The following DAAM1 variants were observed in gnomAD, a reference collection of about 807,000 sequenced individuals.
DAAM1 encodes dishevelled associated activator of morphogenesis 1, also known as disheveled-associated activator of morphogenesis 1.
A neutral mutation model predicts 130.0 loss-of-function variants in DAAM1; 52 were observed. The observed-to-expected ratio is 0.40, with a 90% CI of 0.32 to 0.50. The LOEUF (loss-of-function observed/expected upper bound fraction) is 0.50. Ranked by LOEUF, DAAM1 falls within the 20% of genes least tolerant of loss-of-function variation. The probability of loss-of-function intolerance (pLI) is 0.61; values close to 1 mark genes in which losing one functional copy is unlikely to be tolerated. For synonymous variants in DAAM1, 452 were observed against 444.5 expected, an observed-to-expected ratio of 1.02 and a Z score of -0.21; for missense variants, 1,134 against 1,303.8, an observed-to-expected ratio of 0.87 and a Z score of 2.01.
intron 1 of DAAM1, 134 bp from the exon 2 acceptor site, chr14:59,263,307 T>G (rs1022408035): frequency 2.2e-5 from 15 of 683,034 alleles, no homozygotes; most frequent in African/African-American, 1.3e-4. Context: ...CCACTCGGTG[T>G]TGTTCTCTCT....
At chr14:59,288,694 G>A (rs992797337) in intron 2 of DAAM1, among the ~76,000 whole-genome samples, 1 of 152,102 alleles carries the variant, frequency 6.6e-6, no homozygotes, top group African/African-American at 2.4e-5. Context: ...AGAACTACCT[G>A]AGACTGGGCA....
At chr14:59,315,234 T>C in intron 3 of DAAM1, 46 bp from the exon 4 acceptor site, 1 of 1,554,998 alleles carries the variant, frequency 6.4e-7, no homozygotes, top group Non-Finnish European at 8.9e-7. Context: ...CTAGGTGCTG[T>C]GTGTATATGT....
chr14:59,329,710 T>C (rs1177261324), intron 12 of DAAM1, among the ~76,000 whole-genome samples: 2 of 152,226 alleles, frequency 1.3e-5, no homozygotes, highest in Admixed American at 1.3e-4. Flanking sequence ...CTTGTATTCA[T>C]TGGCAATGTG....
chr14:59,280,083 C>T (rs1331857666), intron 2 of DAAM1, among the ~76,000 whole-genome samples: 1 of 152,064 alleles, frequency 6.6e-6, no homozygotes, highest in African/African-American at 2.4e-5. Flanking sequence ...AAAAACAGCA[C>T]CAAGTGTTGA....
intron 3 of DAAM1, among the ~76,000 whole-genome samples, chr14:59,300,357 G>A (rs933716133): frequency 1.1e-4 from 16 of 152,210 alleles, no homozygotes. Context: ...CAAAACTTCA[G>A]TGATGGAAAG....
At chr14:59,358,245 T>A (rs867272223) in intron 20 of DAAM1, among the ~76,000 whole-genome samples, 2 of 152,192 alleles carry the variant, frequency 1.3e-5, no homozygotes, top group Admixed American at 1.3e-4. Context: ...TGCGTAGCAG[T>A]CAGTGACAAT....
In DAAM1 at chr14:59,367,521, G is replaced by C. The variant is rs777088847; in HGVS notation, c.2919G>C (p.Val973=). The C allele has an allele frequency of 2.5e-6, 4 of 1,613,868 alleles. No homozygotes were observed. The highest frequency in any genetic ancestry group is 2.5e-6 in the Non-Finnish European group (3 of 1,179,882). Residue 973 remains valine, a synonymous_variant, in exon 24 of 25, where the codon GTG becomes GTC. Coordinates refer to ENST00000360909, the MANE Select transcript of DAAM1 (RefSeq NM_001270520.2). ...FGIFDQFLQA[V]SEAKQENENM... is the part of the protein sequence containing the mutation. Reference sequence around the variant, plus strand: ...TTTTTGATCAATTTCTTCAAGCTGTGTCAGAAGCCAAACAAGAAAACGAAA... The same window carrying C: ...TTTTTGATCAATTTCTTCAAGCTGTCTCAGAAGCCAAACAAGAAAACGAAA...
At chr14:59,343,787 G>C (rs552044121) in intron 16 of DAAM1, among the ~76,000 whole-genome samples, 19 of 152,298 alleles carry the variant, frequency 1.2e-4, no homozygotes, top group South Asian at 4.2e-4. Flanking sequence ...TGAGTGAGTA[G>C]GATATTTGCA....
At chr14:59,236,529 C>T (rs1259168924) in intron 1 of DAAM1, among the ~76,000 whole-genome samples, 1 of 152,042 alleles carries the variant, frequency 6.6e-6, no homozygotes, top group Non-Finnish European at 1.5e-5. Context: ...TTCTTGTCGT[C>T]GTTTAAATAT....
chr14:59,302,240 TG>T (rs976030896), intron 3 of DAAM1, among the ~76,000 whole-genome samples: 4 of 152,212 alleles, frequency 2.6e-5, no homozygotes, highest in Non-Finnish European at 5.9e-5. Context: ...TTGCACTCCC[TG>T]TAACTGGGGA....
chr14:59,346,965 CG>C (rs988333933), intron 16 of DAAM1, among the ~76,000 whole-genome samples: 1 of 152,094 alleles, frequency 6.6e-6, no homozygotes, highest in Non-Finnish European at 1.5e-5. Flanking sequence ...TGGTTACTGT[CG>C]TTTTTTATGT....
intron 3 of DAAM1, among the ~76,000 whole-genome samples, chr14:59,302,646 T>C (rs116921207): frequency 8.0e-4 from 122 of 152,192 alleles, no homozygotes; most frequent in South Asian, 1.7e-3. Flanking sequence ...CCCAAGTTAT[T>C]CTTTATTTTT....
At chr14:59,200,763 C>G (rs1305579103) in intron 1 of DAAM1, among the ~76,000 whole-genome samples, 1 of 152,136 alleles carries the variant, frequency 6.6e-6, no homozygotes, top group Non-Finnish European at 1.5e-5. Flanking sequence ...AGTTCTCCAC[C>G]TTGGATATGC....
intron 1 of DAAM1, among the ~76,000 whole-genome samples, chr14:59,199,944 A>T (rs911910201): frequency 6.6e-6 from 1 of 152,216 alleles, no homozygotes; most frequent in Non-Finnish European, 1.5e-5. Flanking sequence ...GAGCCATTTG[A>T]CAGAGTTTTG....
intron 2 of DAAM1, among the ~76,000 whole-genome samples, chr14:59,268,738 TC>T (rs1882574549): frequency 6.6e-6 from 1 of 152,214 alleles, no homozygotes. Context: ...GAGAATCAAT[TC>T]TTTTTTACTT....
chr14:59,356,651 T>C (rs1197115108), intron 20 of DAAM1, among the ~76,000 whole-genome samples: 10 of 152,230 alleles, frequency 6.6e-5, no homozygotes, highest in Non-Finnish European at 1.3e-4. Flanking sequence ...AAGTAGGGAA[T>C]GGAAGATCTT....
chr14:59,368,789 A>G lies in DAAM1; in HGVS notation c.3137A>G (p.Asn1046Ser). 1 of 1,614,032 alleles carries G rather than the reference A, an allele frequency of 6.2e-7. No individual in the cohort carries two copies. The highest frequency in any genetic ancestry group is 8.5e-7 in the Non-Finnish European group (1 of 1,179,944). ...FDKDLSKLKRNRKRITNQMTD... is the reference protein window; with the variant it reads ...FDKDLSKLKRSRKRITNQMTD... ...AAAGACCTTTCTAAATTGAAACGGA[A>G]TCGCAAACGTATTACCAACCAGATG... The change falls in exon 25 of 25, where the codon AAT becomes AGT. Residue 1046 changes from asparagine to serine, a missense_variant. Transcript: ENST00000360909.
chr14:59,313,870 T>G (rs1399067859), intron 3 of DAAM1, among the ~76,000 whole-genome samples: 2 of 152,250 alleles, frequency 1.3e-5, no homozygotes, highest in African/African-American at 4.8e-5. Flanking sequence ...CCAGTCTAAC[T>G]TCAAAGCCTC....
At chr14:59,213,351 A>C (rs1266970306) in intron 1 of DAAM1, among the ~76,000 whole-genome samples, 1 of 87,614 alleles carries the variant, frequency 1.1e-5, no homozygotes, top group Non-Finnish European at 2.8e-5. Flanking sequence ...CAGCTTACCA[A>C]AAAAAAAAAA....
Sources: gnomAD v4.1 joint callset for allele counts (sites outside exome capture counted in the v4.1 genomes callset) on GRCh38, gnomAD v4.1.1 for gene constraint, MANE v1.5 for transcripts, NCBI Gene and HGNC (gene_info 2026-07-23, HGNC 2026-07-21) for gene names.